The following CTXN2 variants were observed in gnomAD, a reference collection of about 807,000 sequenced individuals.
CTXN2 encodes cortexin-2.
A neutral mutation model predicts 5.7 loss-of-function variants in CTXN2; 3 were observed. The observed-to-expected ratio is 0.53, with a 90% CI of 0.24 to 1.36. CTXN2 has a LOEUF of 1.36. Among genes scored for constraint, CTXN2 ranks in the 40% most tolerant of loss-of-function variants. CTXN2 has a pLI of 0.17. For synonymous variants in CTXN2, 38 were observed against 36.4 expected, an observed-to-expected ratio of 1.04 and a Z score of -0.16; for missense variants, 87 against 93.0, an observed-to-expected ratio of 0.94 and a Z score of 0.26.
rs565641676 is a variant in CTXN2 at position 48,201,421 on chromosome 15, T to C, written c.121T>C (p.Leu41=). 1 of 1,551,440 alleles carries C rather than the reference T, an allele frequency of 6.4e-7. No individual in the cohort carries two copies. The highest frequency in any genetic ancestry group is 2.4e-5 in the East Asian group (1 of 40,918). The change falls in exon 2 of 2, where the codon TTG becomes CTG. Residue 41 remains leucine, a synonymous_variant. Coordinates refer to ENST00000417307, the MANE Select transcript of CTXN2 (RefSeq NM_001145668.2). ...FAFVGILCIF[L]GLLIIRCFKI... is the part of the protein sequence containing the mutation. The stretch of plus-strand genomic sequence containing the variant: ...TTTTGTTGGGATTTTGTGTATCTTC[T>C]TGGGACTTCTTATTATCCGATGCTT...
At position 48,203,050 on chromosome 15, in the gene CTXN2, T is replaced by C. The variant is rs1597389903; in HGVS notation, c.*1504T>C. ...GAGTTGGAGACTACTATTTCCATTT[T>C]ATTTTTAATCTTAATTTTGCAGAAG... On this transcript the variant is annotated 3_prime_UTR_variant, in exon 2 of 2. Coordinates refer to ENST00000417307, the MANE Select transcript of CTXN2 (RefSeq NM_001145668.2). 6.0e-6 allele frequency: 1 copy of C among 167,072 alleles called. No individual in the cohort carries two copies. The highest frequency in any genetic ancestry group is 1.9e-4 in the East Asian group (1 of 5,200). The allele number at this position is 167,072 out of a possible 1,614,324, so 10.3% of individuals were successfully genotyped here. A position where few individuals can be genotyped will look rare whatever the true frequency, so the allele number is the denominator to read the frequency against.
upstream of CTXN2, chr15:48,190,845 GTTTTCC>G (rs1187574482): frequency 2.0e-5 from 3 of 152,126 alleles, no homozygotes; most frequent in Non-Finnish European, 4.4e-5. Context: ...TTGTTTTTTT[GTTTTCC>G]TTTGCTTTGC....
chr15:48,189,522 T>C (rs1289047257), upstream of CTXN2: 1 of 152,170 alleles, frequency 6.6e-6, no homozygotes, highest in Non-Finnish European at 1.5e-5. Flanking sequence ...GCAAAGAGAA[T>C]GAATGGTTAT....
chr15:48,191,027 T>C (rs1300106684), upstream of CTXN2: 1 of 152,344 alleles, frequency 6.6e-6, no homozygotes, highest in Non-Finnish European at 1.5e-5. Flanking sequence ...CCACGCACCA[T>C]TTCAGCACTA....
upstream of CTXN2, among the ~76,000 whole-genome samples, chr15:48,187,304 A>G (rs2040767548): frequency 6.6e-6 from 1 of 152,142 alleles, no homozygotes; most frequent in Non-Finnish European, 1.5e-5. Flanking sequence ...AACATCATCT[A>G]AAGCCAAAAA....
chr15:48,188,159 C>T (rs1186394938), upstream of CTXN2, among the ~76,000 whole-genome samples: 1 of 151,656 alleles, frequency 6.6e-6, no homozygotes, highest in Admixed American at 6.6e-5. Context: ...CACATTAAAA[C>T]AAATAATTAA....
At position 48,203,596 on chromosome 15, in the gene CTXN2, C is replaced by T. The variant is rs924888398; in HGVS notation, c.*2050C>T. 1 of 166,772 alleles carries T rather than the reference C, an allele frequency of 6.0e-6. No individual in the cohort carries two copies. Among genetic ancestry groups the T allele is most frequent in the African/African-American group, 2.4e-5 (1 of 41,364 alleles). The allele number at this position is 166,772 out of a possible 1,614,324, so 10.3% of individuals were successfully genotyped here. On this transcript the variant is annotated 3_prime_UTR_variant, in exon 2 of 2. Coordinates refer to ENST00000417307, the MANE Select transcript of CTXN2 (RefSeq NM_001145668.2). ...TTTTGATGACTAGAACAAACCAAGG[C>T]CAGATCTTTATTTCAAAGGAAGAAA...
At chr15:48,184,065 A>G (rs1392835291) in intron 1 of CTXN2, among the ~76,000 whole-genome samples, 5 of 152,226 alleles carry the variant, frequency 3.3e-5, no homozygotes, top group African/African-American at 9.6e-5. Flanking sequence ...TCCTCAAAAC[A>G]TTAGGCTTAC....
chr15:48,178,946 G>T (rs1335673724), intron 1 of CTXN2, among the ~76,000 whole-genome samples: 1 of 151,562 alleles, frequency 6.6e-6, no homozygotes, highest in Non-Finnish European at 1.5e-5. Context: ...TCAATATGGG[G>T]AATCCATAAT....
At chr15:48,196,329 CTT>C (rs1293488883) in intron 1 of CTXN2, among the ~76,000 whole-genome samples, 4 of 152,088 alleles carry the variant, frequency 2.6e-5, no homozygotes, top group African/African-American at 9.7e-5. Context: ...TCAGAATTGT[CTT>C]GAGTGTTTTT....
intron 1 of CTXN2, among the ~76,000 whole-genome samples, chr15:48,186,175 C>A (rs888405597): frequency 2.6e-5 from 4 of 152,154 alleles, no homozygotes; most frequent in East Asian, 1.9e-4. Context: ...GCTTAAAGTA[C>A]ACTTTAAATG....
At chr15:48,179,467 AATG>A (rs2040671096) in intron 1 of CTXN2, among the ~76,000 whole-genome samples, 2 of 152,044 alleles carry the variant, frequency 1.3e-5, no homozygotes, top group African/African-American at 2.4e-5. Context: ...AGAACATTTT[AATG>A]ATAAGAATGC....
intron 1 of CTXN2, among the ~76,000 whole-genome samples, chr15:48,185,942 AT>A (rs1415219378): frequency 6.6e-6 from 1 of 152,244 alleles, no homozygotes; most frequent in Non-Finnish European, 1.5e-5. Flanking sequence ...TGATTTCCAC[AT>A]TTCATTGACA....
At chr15:48,186,744 C>CA (rs999433926), upstream of CTXN2, among the ~76,000 whole-genome samples, 126 of 145,540 alleles carry the variant, frequency 8.7e-4, no homozygotes, top group East Asian at 2.6e-3. Flanking sequence ...ACTAAAAATA[C>CA]AAAAAAAAAA....
intron 1 of CTXN2, among the ~76,000 whole-genome samples, chr15:48,183,765 G>A (rs1878638560): frequency 6.6e-6 from 1 of 152,110 alleles, no homozygotes; most frequent in African/African-American, 2.4e-5. Context: ...TTGCAATATC[G>A]TTCAGGCTAC....
intron 1 of CTXN2, among the ~76,000 whole-genome samples, chr15:48,194,672 A>T (rs1478881904): frequency 6.6e-6 from 1 of 152,166 alleles, no homozygotes; most frequent in Non-Finnish European, 1.5e-5. Flanking sequence ...TCCTCCTTGT[A>T]GGAGAGGCAT....
At chr15:48,183,303 TAGAAAACA>T (rs1260450593) in intron 1 of CTXN2, among the ~76,000 whole-genome samples, 1 of 152,162 alleles carries the variant, frequency 6.6e-6, no homozygotes, top group Non-Finnish European at 1.5e-5. Flanking sequence ...AAATTATAGA[TAGAAAACA>T]ACAACTTACA....
intron 1 of CTXN2, among the ~76,000 whole-genome samples, chr15:48,180,625 C>G (rs886267639): frequency 3.3e-5 from 5 of 152,236 alleles, no homozygotes; most frequent in African/African-American, 4.8e-5. Context: ...CGTTCTCCTG[C>G]CTCAGCCTCC....
In CTXN2 at chr15:48,201,157, G is replaced by T. The variant is rs111999390; in HGVS notation, c.-57-87G>T. ...ATCTTTTGTGAGTTAAGTCAAGAAG[G>T]TTTGAAAAACGTCAGATTTTATTAA... On this transcript the variant is annotated intron_variant, in intron 1 of 1. Transcript: ENST00000417307. 6.6e-4 allele frequency: 497 copies of T among 756,224 alleles called. 7 individuals carry two copies. In the East Asian group the frequency reaches 0.012, roughly 19 times the overall value. 46.8% of individuals were successfully genotyped at this position (756,224 alleles called of 1,614,324 possible). A position where few individuals can be genotyped will look rare whatever the true frequency, so the allele number is the denominator to read the frequency against.
Sources: allele counts gnomAD v4.1 joint callset (sites outside exome capture counted in the v4.1 genomes callset), GRCh38; gene constraint gnomAD v4.1.1; transcripts MANE v1.5; gene names NCBI Gene and HGNC (gene_info 2026-07-23, HGNC 2026-07-21).